The following ZBTB7C variants were observed in gnomAD, a reference collection of about 807,000 sequenced individuals.
ZBTB7C encodes zinc finger and BTB domain-containing protein 7C.
Under a neutral mutation model 25.7 loss-of-function variants are expected in ZBTB7C, and 8 were observed. The ratio of observed to expected loss-of-function variants is 0.31; its 90% CI spans 0.18 to 0.56. ZBTB7C has a LOEUF of 0.56. Ranked by LOEUF, ZBTB7C falls within the 20% of genes least tolerant of loss-of-function variation. The pLI is 0.91. For synonymous variants in ZBTB7C, 394 were observed against 369.0 expected (o/e 1.07, Z -0.78); for missense variants, 824 against 855.2 (o/e 0.96, Z 0.46).
intron 3 of ZBTB7C, among the ~76,000 whole-genome samples, chr18:48,156,537 T>C (rs2040845678): frequency 6.6e-6 from 1 of 152,232 alleles, no homozygotes; most frequent in Non-Finnish European, 1.5e-5. Context: ...TTCTTGGCTG[T>C]GTCCTTGCCA....
At chr18:48,181,642 C>A (rs1165885927) in intron 3 of ZBTB7C, among the ~76,000 whole-genome samples, 2 of 152,212 alleles carry the variant, frequency 1.3e-5, no homozygotes, top group Non-Finnish European at 2.9e-5. Flanking sequence ...CAGCTTGCTG[C>A]CCTCTGGCTG....
intron 2 of ZBTB7C, among the ~76,000 whole-genome samples, chr18:48,197,918 T>C (rs777414095): frequency 6.6e-6 from 1 of 152,214 alleles, no homozygotes; most frequent in African/African-American, 2.4e-5. Context: ...TAGTGTCTCA[T>C]AATGAAAATG....
chr18:48,162,136 G>A (rs1439650777), intron 3 of ZBTB7C, among the ~76,000 whole-genome samples: 2 of 149,762 alleles, frequency 1.3e-5, no homozygotes, highest in Admixed American at 1.3e-4. Context: ...CTTCGTGCCA[G>A]ACCCGGCTGT....
At chr18:48,383,965 A>G (rs543553740) in intron 1 of ZBTB7C, among the ~76,000 whole-genome samples, 11 of 152,320 alleles carry the variant, frequency 7.2e-5, no homozygotes, top group African/African-American at 2.6e-4. Flanking sequence ...AACTTTAGGG[A>G]TCAGAACTAG....
intron 3 of ZBTB7C, among the ~76,000 whole-genome samples, chr18:48,161,128 T>C (rs1397819841): frequency 2.4e-5 from 2 of 83,444 alleles, no homozygotes; most frequent in Non-Finnish European, 5.1e-5. Flanking sequence ...CTGGAGGAGG[T>C]GGGGGGGACC....
chr18:48,217,652 G>A (rs969181778), intron 2 of ZBTB7C, among the ~76,000 whole-genome samples: 3 of 152,006 alleles, frequency 2.0e-5, no homozygotes, highest in African/African-American at 4.8e-5. Flanking sequence ...GAAGATGAAA[G>A]CCCCCAGAGA....
At chr18:48,307,098 A>C (rs1296312548) in intron 2 of ZBTB7C, among the ~76,000 whole-genome samples, 1 of 152,106 alleles carries the variant, frequency 6.6e-6, no homozygotes, top group Non-Finnish European at 1.5e-5. Flanking sequence ...TCCAAATCCC[A>C]TTAATTATAT....
chr18:48,260,267 T>C (rs896342307), intron 2 of ZBTB7C, among the ~76,000 whole-genome samples: 1 of 152,218 alleles, frequency 6.6e-6, no homozygotes, highest in African/African-American at 2.4e-5. Context: ...TGAGCCTATT[T>C]ATATAAAATT....
At position 48,029,480 on chromosome 18, in the gene ZBTB7C, A is replaced by T. The variant is rs963731500; in HGVS notation, c.1640T>A (p.Leu547Gln). 11 of 1,596,352 alleles carry T rather than the reference A, an allele frequency of 6.9e-6. No individual in the cohort carries two copies. The highest frequency in any genetic ancestry group is 9.4e-6 in the Non-Finnish European group (11 of 1,175,532). ...APKGALSLQE[L>Q]ERQFEETQMK... ...CTGTGTCTCCTCGAACTGCCGCTCC[A>T]GCTCTTGCAGGCTCAGGGCGCCCTT... Residue 547 changes from leucine (L) to glutamine (Q), a missense_variant, in exon 5 of 5, where the codon CTG (leucine) becomes CAG (glutamine). Leu to Gln is a moderately radical substitution (Grantham distance 113, BLOSUM62 -2). This residue lies in a region of ZBTB7C where 342 missense variants were observed against 307.0 expected (regional missense o/e 1.11). Transcript: ENST00000590800.
chr18:48,357,644 A>T (rs1384878690), intron 1 of ZBTB7C, among the ~76,000 whole-genome samples: 1 of 152,182 alleles, frequency 6.6e-6, no homozygotes, highest in African/African-American at 2.4e-5. Context: ...AGGTCTCACT[A>T]GTATTTGAAC....
At chr18:48,205,022 G>A (rs1289859004) in intron 2 of ZBTB7C, among the ~76,000 whole-genome samples, 1 of 152,086 alleles carries the variant, frequency 6.6e-6, no homozygotes, top group African/African-American at 2.4e-5. Flanking sequence ...AATCTTGAGG[G>A]GGGTTATATC....
intron 3 of ZBTB7C, among the ~76,000 whole-genome samples, chr18:48,167,010 C>T (rs1438641818): frequency 6.6e-6 from 1 of 152,212 alleles, no homozygotes; most frequent in African/African-American, 2.4e-5. Context: ...CTGCTCAGCC[C>T]TGCCCTTCTC....
chr18:48,035,404 G>C (rs1335147599), intron 4 of ZBTB7C, among the ~76,000 whole-genome samples: 1 of 152,372 alleles, frequency 6.6e-6, no homozygotes, highest in South Asian at 2.1e-4. Flanking sequence ...GAGCCAGGCT[G>C]TGACAGGATG....
chr18:48,220,417 T>C (rs1465474800), intron 2 of ZBTB7C, among the ~76,000 whole-genome samples: 1 of 152,046 alleles, frequency 6.6e-6, no homozygotes, highest in Non-Finnish European at 1.5e-5. Flanking sequence ...CCCCAACAGA[T>C]GCCAGGGGAG....
At chr18:48,132,582 C>T (rs997401267) in intron 3 of ZBTB7C, among the ~76,000 whole-genome samples, 2 of 152,158 alleles carry the variant, frequency 1.3e-5, no homozygotes, top group African/African-American at 4.8e-5. Flanking sequence ...AATTATATCT[C>T]AATAAATTTT....
At chr18:48,043,270 T>C (rs1035553572) in intron 3 of ZBTB7C, among the ~76,000 whole-genome samples, 2 of 152,204 alleles carry the variant, frequency 1.3e-5, no homozygotes, top group Non-Finnish European at 2.9e-5. Flanking sequence ...CTTATGTCCA[T>C]GAAAAACTCA....
chr18:48,053,611 G>C (rs765111950), intron 3 of ZBTB7C, among the ~76,000 whole-genome samples: 1 of 152,196 alleles, frequency 6.6e-6, no homozygotes, highest in African/African-American at 2.4e-5. Context: ...TAGGGAAACT[G>C]AGGTAGAGCC....
intron 1 of ZBTB7C, among the ~76,000 whole-genome samples, chr18:48,346,920 G>A (rs865900899): frequency 6.6e-6 from 1 of 151,896 alleles, no homozygotes; most frequent in South Asian, 2.1e-4. Context: ...GAGTAGCTGG[G>A]ATTACAGGCA....
chr18:48,116,332 T>C (rs1044273083), intron 3 of ZBTB7C, among the ~76,000 whole-genome samples: 4 of 152,194 alleles, frequency 2.6e-5, no homozygotes, highest in Non-Finnish European at 4.4e-5. Flanking sequence ...ATACAGTCCC[T>C]GGTAAATAGT....
Sources: allele counts gnomAD v4.1 joint callset (sites outside exome capture counted in the v4.1 genomes callset), GRCh38; gene constraint gnomAD v4.1.1; regional missense constraint gnomAD v4.1.1; transcripts MANE v1.5; gene names NCBI Gene and HGNC (gene_info 2026-07-23, HGNC 2026-07-21).